GARRE1: variants seen among roughly 807,000 people sequenced by gnomAD.
The protein encoded by GARRE1 is granule associated Rac and RHOG effector protein 1.
A neutral mutation model predicts 103.2 loss-of-function variants in GARRE1; 49 were observed. The observed-to-expected ratio is 0.47, with a 90% confidence interval of 0.38 to 0.60. GARRE1 has a LOEUF of 0.60. Ranked by LOEUF, GARRE1 falls within the 20% of genes least tolerant of loss-of-function variation. The pLI, the probability that GARRE1 is intolerant of heterozygous loss-of-function variation, is 0.00. For synonymous variants in GARRE1, 505 were observed against 532.8 expected, an observed-to-expected ratio of 0.95 and a Z score of 0.72; for missense variants, 1,199 against 1,370.5, an observed-to-expected ratio of 0.87 and a Z score of 1.98.
At chr19:34,349,918 T>C (rs886276562) in intron 12 of GARRE1, among the ~76,000 whole-genome samples, 6 of 152,112 alleles carry the variant, frequency 3.9e-5, no homozygotes, top group Admixed American at 2.6e-4. Flanking sequence ...CACATTCAGA[T>C]GCTTTCTGTC....
At chr19:34,275,970 T>A (rs1178107259) in intron 1 of GARRE1, among the ~76,000 whole-genome samples, 1 of 152,112 alleles carries the variant, frequency 6.6e-6, no homozygotes, top group Non-Finnish European at 1.5e-5. Flanking sequence ...CCCTGATAGT[T>A]AGTGATGTTG....
intron 3 of GARRE1, among the ~76,000 whole-genome samples, chr19:34,321,360 A>T (rs2074088078): frequency 2.0e-5 from 3 of 149,076 alleles, no homozygotes. Context: ...ACAGATTTGG[A>T]CAAGATTCTT....
At chr19:34,298,973 G>A (rs966737866) in intron 1 of GARRE1, among the ~76,000 whole-genome samples, 13 of 152,218 alleles carry the variant, frequency 8.5e-5, no homozygotes, top group East Asian at 3.9e-4. Flanking sequence ...CCAGGCTCCC[G>A]CTCTGCACAC....
chr19:34,278,328 C>G (rs2073829754), intron 1 of GARRE1, among the ~76,000 whole-genome samples: 1 of 151,482 alleles, frequency 6.6e-6, no homozygotes, highest in Non-Finnish European at 1.5e-5. Flanking sequence ...CCTGCAGTCC[C>G]AGCTACTTGG....
chr19:34,314,351 C>CA (rs928743128), intron 2 of GARRE1, among the ~76,000 whole-genome samples: 26 of 149,770 alleles, frequency 1.7e-4, no homozygotes, highest in South Asian at 1.5e-3. Flanking sequence ...CTACTTTTTG[C>CA]AAAAAAAAAT....
intron 3 of GARRE1, among the ~76,000 whole-genome samples, chr19:34,326,571 C>T (rs2074112907): frequency 6.6e-6 from 1 of 152,102 alleles, no homozygotes; most frequent in South Asian, 2.1e-4. Context: ...ATTTACTTTT[C>T]TGTGCAGATT....
At chr19:34,268,212 T>C (rs1281397352) in intron 1 of GARRE1, among the ~76,000 whole-genome samples, 5 of 152,214 alleles carry the variant, frequency 3.3e-5, no homozygotes, top group Admixed American at 3.3e-4. Context: ...CAGAAATTTT[T>C]AATGGTCCAA....
intron 1 of GARRE1, among the ~76,000 whole-genome samples, chr19:34,261,086 T>C (rs2073714921): frequency 6.6e-6 from 1 of 152,054 alleles, no homozygotes; most frequent in African/African-American, 2.4e-5. Flanking sequence ...GCTGCAAGGG[T>C]CTCTCCCTTG....
intron 1 of GARRE1, among the ~76,000 whole-genome samples, chr19:34,273,831 T>G (rs903693057): frequency 1.1e-4 from 16 of 152,106 alleles, no homozygotes; most frequent in Admixed American, 2.0e-4. Context: ...AAATGAAATG[T>G]GTGGCCAGGT....
chr19:34,269,308 C>T (rs2073772255), intron 1 of GARRE1, among the ~76,000 whole-genome samples: 1 of 152,200 alleles, frequency 6.6e-6, no homozygotes, highest in African/African-American at 2.4e-5. Flanking sequence ...CATCTGTCTC[C>T]TTTCCCACTG....
chr19:34,280,560 T>G (rs62122212), intron 1 of GARRE1, among the ~76,000 whole-genome samples: 20,294 of 152,194 alleles, frequency 0.13, 1,839 homozygotes, highest in Non-Finnish European at 0.2. Flanking sequence ...GATTTTGAAG[T>G]CCAGTTTATC....
At chr19:34,268,079 T>G (rs532236756) in intron 1 of GARRE1, among the ~76,000 whole-genome samples, 5 of 129,988 alleles carry the variant, frequency 3.8e-5, no homozygotes, top group Admixed American at 1.5e-4. Context: ...GTGCTTTGTG[T>G]TTTTTTTTTT....
intron 7 of GARRE1, among the ~76,000 whole-genome samples, chr19:34,333,217 T>C (rs966287491): frequency 1.3e-5 from 2 of 152,144 alleles, no homozygotes. Flanking sequence ...ACTTTTTGTA[T>C]TTTTAGTGGA....
chr19:34,267,261 CTG>C (rs1213301799), intron 1 of GARRE1, among the ~76,000 whole-genome samples: 1 of 152,162 alleles, frequency 6.6e-6, no homozygotes, highest in Non-Finnish European at 1.5e-5. Context: ...GAGCAAGAGA[CTG>C]TAAGGTCTCA....
At chr19:34,257,573 ATGT>A (rs1318712522) in intron 1 of GARRE1, among the ~76,000 whole-genome samples, 1 of 152,146 alleles carries the variant, frequency 6.6e-6, no homozygotes, top group Admixed American at 6.6e-5. Flanking sequence ...AGGCAAAAAA[ATGT>A]TGGTTTAGAT....
chr19:34,289,904 A>G (rs1206388208), intron 1 of GARRE1, among the ~76,000 whole-genome samples: 7 of 152,118 alleles, frequency 4.6e-5, no homozygotes, highest in African/African-American at 1.4e-4. Context: ...CCTTTTTAAT[A>G]TATAAATTGA....
At chr19:34,289,113 A>AGTGCCTGG (rs2073903223) in intron 1 of GARRE1, among the ~76,000 whole-genome samples, 1 of 150,782 alleles carries the variant, frequency 6.6e-6, no homozygotes, top group African/African-American at 2.4e-5. Context: ...CAGCCTGGGC[A>AGTGCCTGG]ACAGAGCAAG....
chr19:34,280,863 G>A (rs1197372723), intron 1 of GARRE1, among the ~76,000 whole-genome samples: 1 of 150,680 alleles, frequency 6.6e-6, no homozygotes, highest in Admixed American at 6.6e-5. Flanking sequence ...TCTTTAACTA[G>A]TTCTGATTCT....
intron 8 of GARRE1, among the ~76,000 whole-genome samples, chr19:34,338,103 G>A (rs186432757): frequency 6.6e-5 from 10 of 152,308 alleles, no homozygotes; most frequent in Middle Eastern, 3.4e-3. Flanking sequence ...CCAAGTCAAA[G>A]TCATGTTAGG....
Sources: allele counts gnomAD v4.1 joint callset (sites outside exome capture counted in the v4.1 genomes callset), GRCh38; gene constraint gnomAD v4.1.1; transcripts MANE v1.5; gene names NCBI Gene and HGNC (gene_info 2026-07-23, HGNC 2026-07-21).